DLG2: variants seen among roughly 807,000 people sequenced by gnomAD.
DLG2 encodes discs large MAGUK scaffold protein 2.
Under a neutral mutation model 132.5 loss-of-function variants are expected in DLG2, and 45 were observed. The ratio of observed to expected loss-of-function variants is 0.34; its 90% CI spans 0.27 to 0.44. The LOEUF is 0.44. Among genes scored for constraint, DLG2 ranks in the 20% least tolerant of loss-of-function variants. The pLI is 1.00. For synonymous variants in DLG2, 424 were observed against 419.6 expected (o/e 1.01, Z -0.13); for missense variants, 1,045 against 1,196.9 (o/e 0.87, Z 1.87).
At chr11:85,285,733 A>G (rs576357864) in intron 3 of DLG2, among the ~76,000 whole-genome samples, 1 of 152,168 alleles carries the variant, frequency 6.6e-6, no homozygotes, top group East Asian at 1.9e-4. Context: ...GAAAGGATAC[A>G]TACTGTATGA....
At chr11:84,452,334 T>C (rs1416972601) in intron 7 of DLG2, among the ~76,000 whole-genome samples, 1 of 151,720 alleles carries the variant, frequency 6.6e-6, no homozygotes, top group Admixed American at 6.6e-5. Flanking sequence ...AAGCAGATCT[T>C]GTAAGCCTCA....
intron 6 of DLG2, among the ~76,000 whole-genome samples, chr11:84,907,307 T>A (rs2091621508): frequency 6.6e-6 from 1 of 152,140 alleles, no homozygotes; most frequent in African/African-American, 2.4e-5. Context: ...GTATGAGTGA[T>A]TGAGAAAAAA....
At chr11:85,617,762 T>G (rs2153275919) in intron 2 of DLG2, among the ~76,000 whole-genome samples, 1 of 152,316 alleles carries the variant, frequency 6.6e-6, no homozygotes, top group African/African-American at 2.4e-5. Context: ...TTATTCCAAG[T>G]ATTACCATGC....
chr11:85,174,828 T>A (rs1013890784), intron 4 of DLG2, among the ~76,000 whole-genome samples: 6 of 151,918 alleles, frequency 3.9e-5, no homozygotes, highest in Non-Finnish European at 8.8e-5. Context: ...GAGAAAACTA[T>A]AATAAACACC....
intron 11 of DLG2, among the ~76,000 whole-genome samples, chr11:84,033,592 G>C (rs569935989): frequency 6.6e-6 from 1 of 152,188 alleles, no homozygotes; most frequent in Non-Finnish European, 1.5e-5. Flanking sequence ...AGTTGATGAA[G>C]CATTAGCAGG....
intron 19 of DLG2, among the ~76,000 whole-genome samples, chr11:83,586,722 C>T (rs1434682281): frequency 6.6e-6 from 1 of 152,196 alleles, no homozygotes; most frequent in African/African-American, 2.4e-5. Context: ...AGAGAGAATA[C>T]AGAGGCACTG....
intron 6 of DLG2, among the ~76,000 whole-genome samples, chr11:84,942,076 T>C (rs1383229974): frequency 6.6e-6 from 1 of 152,166 alleles, no homozygotes; most frequent in East Asian, 1.9e-4. Context: ...GACTTTGAAC[T>C]TCGGTGGTAT....
intron 3 of DLG2, among the ~76,000 whole-genome samples, chr11:85,362,095 TAC>T (rs1355391424): frequency 6.6e-6 from 1 of 152,170 alleles, no homozygotes; most frequent in Non-Finnish European, 1.5e-5. Flanking sequence ...TAGCTGGGAC[TAC>T]TGGCATGGAC....
At chr11:85,276,604 G>A (rs534638139) in intron 4 of DLG2, among the ~76,000 whole-genome samples, 15 of 152,218 alleles carry the variant, frequency 9.9e-5, no homozygotes, top group African/African-American at 3.4e-4. Flanking sequence ...GAGCTGTACC[G>A]CCATGACTCA....
At chr11:85,010,906 T>G (rs531074562) in intron 6 of DLG2, among the ~76,000 whole-genome samples, 2 of 152,184 alleles carry the variant, frequency 1.3e-5, no homozygotes, top group Non-Finnish European at 2.9e-5. Flanking sequence ...GTTTGTCTTA[T>G]AAAGAAATTT....
At chr11:84,245,394 C>T (rs1316402065) in intron 8 of DLG2, among the ~76,000 whole-genome samples, 1 of 152,148 alleles carries the variant, frequency 6.6e-6, no homozygotes, top group Admixed American at 6.5e-5. Context: ...ACATAAATAA[C>T]TTTCTTGGCA....
chr11:84,416,434 A>C (rs2098929979), intron 7 of DLG2, among the ~76,000 whole-genome samples: 2 of 152,228 alleles, frequency 1.3e-5, no homozygotes, highest in Non-Finnish European at 2.9e-5. Context: ...CTTCAAGCAC[A>C]GTAATTTAAA....
chr11:84,838,302 C>A (rs1161580200), intron 6 of DLG2, among the ~76,000 whole-genome samples: 2 of 151,772 alleles, frequency 1.3e-5, no homozygotes, highest in South Asian at 2.1e-4. Flanking sequence ...CTTATGTCTG[C>A]CTCAGAAAAT....
intron 21 of DLG2, among the ~76,000 whole-genome samples, chr11:83,502,400 T>C (rs566986422): frequency 6.6e-6 from 1 of 152,328 alleles, no homozygotes; most frequent in Admixed American, 6.5e-5. Context: ...CCACAATAAC[T>C]ACTGCTGAGA....
At chr11:85,251,342 T>C (rs1047959260) in intron 4 of DLG2, among the ~76,000 whole-genome samples, 8 of 152,218 alleles carry the variant, frequency 5.3e-5, no homozygotes, top group African/African-American at 1.9e-4. Context: ...TTATACTTAA[T>C]AATGTAGCAC....
At chr11:84,943,210 T>G (rs1225709503) in intron 6 of DLG2, among the ~76,000 whole-genome samples, 3 of 148,658 alleles carry the variant, frequency 2.0e-5, no homozygotes, top group Admixed American at 6.7e-5. Flanking sequence ...GTGTATCTAT[T>G]CAGCTACTCT....
intron 6 of DLG2, among the ~76,000 whole-genome samples, chr11:84,556,356 T>C (rs1479838382): frequency 6.6e-6 from 1 of 152,164 alleles, no homozygotes; most frequent in African/African-American, 2.4e-5. Flanking sequence ...TGACCTAACA[T>C]GTGTTTAGTC....
rs577250247 is a variant in DLG2 at position 84,453,463 on chromosome 11, G to A, written c.519+81107C>T. Among the ~76,000 whole-genome samples the A allele has an allele frequency of 4.0e-5, 6 of 151,686 alleles. No individual in the cohort carries two copies. In the South Asian group the frequency reaches 1.2e-3, roughly 32 times the overall value. On this transcript the variant is annotated intron_variant, in intron 7 of 27. Coordinates refer to ENST00000376104, the MANE Select transcript of DLG2 (RefSeq NM_001142699.3). ...AAGGCTAGAAGAGAAATGGGAACCA[G>A]ATAAAAGATGATAGGATCAATAATT...
chr11:84,602,218 A>G (rs2099577845), intron 6 of DLG2, among the ~76,000 whole-genome samples: 1 of 151,972 alleles, frequency 6.6e-6, no homozygotes, highest in South Asian at 2.1e-4. Context: ...GGTAGGACAC[A>G]GTAAAATAGC....
Sources: gnomAD v4.1 joint callset for allele counts (sites outside exome capture counted in the v4.1 genomes callset) on GRCh38, gnomAD v4.1.1 for gene constraint, MANE v1.5 for transcripts, NCBI Gene and HGNC (gene_info 2026-07-23, HGNC 2026-07-21) for gene names.